Variants in RICTOR observed in about 807,000 individuals in gnomAD.
RICTOR encodes the protein RPTOR independent companion of MTOR complex 2.
A neutral mutation model predicts 214.9 loss-of-function variants in RICTOR; 49 were observed. That is an observed-to-expected ratio of 0.23 (90% CI 0.18 to 0.29). RICTOR has a LOEUF of 0.29. RICTOR is among the 10% of genes least tolerant of loss of function. The pLI, the probability that RICTOR is intolerant of heterozygous loss-of-function variation, is 1.00. For missense variants in RICTOR, 1,625 were observed against 2,047.0 expected (o/e 0.79, Z 3.98); for synonymous variants, 717 against 711.3 (o/e 1.01, Z -0.13).
At chr5:39,011,015 A>C (rs1754467432) in intron 3 of RICTOR, among the ~76,000 whole-genome samples, 1 of 152,208 alleles carries the variant, frequency 6.6e-6, no homozygotes, top group African/African-American at 2.4e-5. Context: ...GTTAATCACC[A>C]AGACAATAGG....
chr5:39,025,871 A>G lies in RICTOR; in HGVS notation c.98-4735T>C, dbSNP rs368792032. On this transcript the variant is annotated intron_variant, in intron 2 of 37. Transcript: ENST00000357387. ...ATGACACAAACATTCAGTTCATTGCACTGTTCCAATAAAACAAACTTGGCT... is the reference window on the plus strand; with the variant it reads ...ATGACACAAACATTCAGTTCATTGCGCTGTTCCAATAAAACAAACTTGGCT... 1.1e-4 allele frequency among the ~76,000 whole-genome samples: 16 copies of G among 152,300 alleles called. No homozygotes were observed. In the South Asian group the frequency reaches 3.1e-3, roughly 30 times the overall value.
intron 2 of RICTOR, among the ~76,000 whole-genome samples, chr5:39,029,829 T>A (rs1223936445): frequency 6.6e-6 from 1 of 152,222 alleles, no homozygotes; most frequent in Non-Finnish European, 1.5e-5. Context: ...CCATAACAGC[T>A]ACTCAATAAA....
chr5:39,021,327 C>T (rs1033239895), intron 2 of RICTOR, among the ~76,000 whole-genome samples, 191 bp from the exon 3 acceptor site: 5 of 152,206 alleles, frequency 3.3e-5, no homozygotes, highest in African/African-American at 7.2e-5. Flanking sequence ...CTCTACTCCC[C>T]TGTACCCATG....
At chr5:39,015,289 T>C (rs1754859995) in intron 3 of RICTOR, among the ~76,000 whole-genome samples, 1 of 152,166 alleles carries the variant, frequency 6.6e-6, no homozygotes, top group South Asian at 2.1e-4. Context: ...AGCAAATGAA[T>C]GAATTTACAG....
intron 2 of RICTOR, among the ~76,000 whole-genome samples, chr5:39,032,068 T>C (rs971450326): frequency 2.0e-5 from 3 of 152,202 alleles, no homozygotes; most frequent in East Asian, 3.9e-4. Flanking sequence ...ATCCCAAGGA[T>C]AGCATCTTCT....
At chr5:38,957,784 T>A in intron 24 of RICTOR, 54 bp from the exon 25 acceptor site, 1 of 956,650 alleles carries the variant, frequency 1.0e-6, no homozygotes, top group Non-Finnish European at 1.6e-6. Context: ...AAACGTATCT[T>A]AAGAAGCTAA....
At chr5:38,978,357 A>G (rs1751410225) in intron 9 of RICTOR, among the ~76,000 whole-genome samples, 1 of 152,164 alleles carries the variant, frequency 6.6e-6, no homozygotes, top group Non-Finnish European at 1.5e-5. Context: ...TTTCTGTCAC[A>G]GTCTACCATA....
At chr5:39,015,535 G>C (rs1351269870) in intron 3 of RICTOR, among the ~76,000 whole-genome samples, 1 of 151,724 alleles carries the variant, frequency 6.6e-6, no homozygotes, top group African/African-American at 2.4e-5. Context: ...ACTGGTTTGG[G>C]GTGGGGGTGC....
intron 2 of RICTOR, among the ~76,000 whole-genome samples, chr5:39,069,704 C>T (rs2150221063): frequency 6.6e-6 from 1 of 152,292 alleles, no homozygotes; most frequent in African/African-American, 2.4e-5. Flanking sequence ...TTTCTGTAGC[C>T]AACGCCATGG....
Position 38,959,759 on chromosome 5 carries a change from C to A in RICTOR, c.2051+20G>T. The A allele has an allele frequency of 6.4e-7, 1 of 1,565,634 alleles. No individual in the cohort carries two copies. Among genetic ancestry groups the A allele is most frequent in the Non-Finnish European group, 8.8e-7 (1 of 1,136,292 alleles). ...AATAAAGTTCATGTATATATTGCAA[C>A]AAAATCTGGGAATGCTCACCACTGA... is the stretch of plus-strand genomic sequence containing the variant. On this transcript the variant is annotated intron_variant, in intron 21 of 37. Coordinates refer to ENST00000357387, the MANE Select transcript of RICTOR (RefSeq NM_152756.5).
chr5:38,953,581 G>GTAATAATATATTTATGTATTTAATATATA (rs1414991639), intron 27 of RICTOR, 28 bp from the exon 28 acceptor site: 6 of 719,968 alleles, frequency 8.3e-6, no homozygotes, highest in Admixed American at 2.9e-5. Context: ...AATACCATGA[G>GTAATAATATATTTATGTATTTAATATATA]TAATAATATA....
chr5:38,949,411 T>C (rs920543841), intron 31 of RICTOR: 25 of 1,591,726 alleles, frequency 1.6e-5, no homozygotes, highest in Non-Finnish European at 1.9e-5. Context: ...CCGACATGCT[T>C]CTTTTTAAAA....
intron 19 of RICTOR, among the ~76,000 whole-genome samples, chr5:38,961,927 G>A (rs1318208301): frequency 6.6e-6 from 1 of 152,054 alleles, no homozygotes; most frequent in East Asian, 1.9e-4. Flanking sequence ...TAAGGAGAAT[G>A]TAAACAGCAG....
intron 2 of RICTOR, among the ~76,000 whole-genome samples, chr5:39,071,877 C>CT (rs1176736385): frequency 6.6e-6 from 1 of 152,208 alleles, no homozygotes; most frequent in African/African-American, 2.4e-5. Flanking sequence ...CAAACTTTAT[C>CT]TTTTTACATA....
At chr5:39,052,458 T>G (rs564020935) in intron 2 of RICTOR, among the ~76,000 whole-genome samples, 1 of 152,246 alleles carries the variant, frequency 6.6e-6, no homozygotes, top group Non-Finnish European at 1.5e-5. Context: ...TCACTTACAA[T>G]GAGTTTAGGG....
rs2112764802 is a variant in RICTOR, at chr5:38,940,936, C to T, written c.*1368G>A. 1 of 232,438 alleles carries T rather than the reference C, an allele frequency of 4.3e-6. No homozygotes were observed. Among genetic ancestry groups the T allele is most frequent in the South Asian group, 1.8e-4 (1 of 5,518 alleles). The allele number at this position is 232,438 out of a possible 1,614,324, so 14.4% of individuals were successfully genotyped here. The stretch of plus-strand genomic sequence containing the variant: ...GTAATTGTAATAAAAATGTTATACA[C>T]AAATGAATTAAAAAAGAATCCTAAT... On this transcript the variant is annotated 3_prime_UTR_variant, in exon 38 of 38. Coordinates refer to ENST00000357387, the MANE Select transcript of RICTOR (RefSeq NM_152756.5).
intron 2 of RICTOR, among the ~76,000 whole-genome samples, chr5:39,039,652 C>T (rs555977795): frequency 1.6e-3 from 246 of 152,156 alleles, no homozygotes; most frequent in African/African-American, 4.7e-3. Flanking sequence ...AAAAAGTGGG[C>T]AAAGGATATG....
At chr5:39,043,820 C>A (rs527967867) in intron 2 of RICTOR, among the ~76,000 whole-genome samples, 17 of 152,162 alleles carry the variant, frequency 1.1e-4, no homozygotes, top group Admixed American at 5.9e-4. Flanking sequence ...AGAGAAGCGA[C>A]CTGAGCTAGC....
chr5:39,001,769 T>C (rs1308708153), intron 5 of RICTOR, among the ~76,000 whole-genome samples: 1 of 151,968 alleles, frequency 6.6e-6, no homozygotes, highest in Non-Finnish European at 1.5e-5. Flanking sequence ...GTGCCTAACA[T>C]CATCACTCAC....
Sources: gnomAD v4.1 joint callset for allele counts (sites outside exome capture counted in the v4.1 genomes callset) on GRCh38, gnomAD v4.1.1 for gene constraint, MANE v1.5 for transcripts, NCBI Gene and HGNC (gene_info 2026-07-23, HGNC 2026-07-21) for gene names.